The following KDM4C variants were observed in gnomAD, a reference collection of about 807,000 sequenced individuals.
The protein encoded by KDM4C is lysine demethylase 4C, also known as lysine-specific demethylase 4C.
A neutral mutation model predicts 129.3 loss-of-function variants in KDM4C; 81 were observed. The observed-to-expected ratio is 0.63, with a 90% CI of 0.52 to 0.75. KDM4C has a LOEUF of 0.75. Among genes scored for constraint, KDM4C ranks in the 30% least tolerant of loss-of-function variants. The pLI is 0.00. For missense variants in KDM4C, 1,457 were observed against 1,304.0 expected, an observed-to-expected ratio of 1.12 and a Z score of -1.81; for synonymous variants, 573 against 456.1, an observed-to-expected ratio of 1.26 and a Z score of -3.26.
At chr9:7,021,404 C>T (rs932412380) in intron 15 of KDM4C, among the ~76,000 whole-genome samples, 1 of 152,224 alleles carries the variant, frequency 6.6e-6, no homozygotes, top group Non-Finnish European at 1.5e-5. Flanking sequence ...GTCGGCCTCC[C>T]AAAGTGCTGG....
At chr9:7,140,720 G>A (rs1419303361) in intron 19 of KDM4C, among the ~76,000 whole-genome samples, 1 of 152,188 alleles carries the variant, frequency 6.6e-6, no homozygotes, top group Non-Finnish European at 1.5e-5. Flanking sequence ...ATCATGCTGG[G>A]TTCTGGGAAA....
At chr9:7,041,867 G>A (rs1248233013) in intron 15 of KDM4C, among the ~76,000 whole-genome samples, 1 of 151,994 alleles carries the variant, frequency 6.6e-6, no homozygotes, top group African/African-American at 2.4e-5. Context: ...CAGCTTTTAA[G>A]AACTATGGAA....
chr9:7,097,482 A>G (rs979130372), intron 17 of KDM4C, among the ~76,000 whole-genome samples: 2 of 152,204 alleles, frequency 1.3e-5, no homozygotes, highest in Non-Finnish European at 2.9e-5. Flanking sequence ...CTCCTGCCAC[A>G]TCATGGGCTC....
chr9:7,006,535 G>T (rs1821704970), intron 12 of KDM4C, among the ~76,000 whole-genome samples: 2 of 152,070 alleles, frequency 1.3e-5, no homozygotes, highest in Admixed American at 6.6e-5. Context: ...CTTTGGAGAT[G>T]CATTTAAGAC....
intron 1 of KDM4C, among the ~76,000 whole-genome samples, chr9:6,747,441 C>T (rs899963662): frequency 3.5e-5 from 5 of 144,736 alleles, no homozygotes; most frequent in South Asian, 2.2e-4. Context: ...CCAACTACTC[C>T]GGAGGCTGAG....
At chr9:7,029,130 C>A (rs1390739826) in intron 15 of KDM4C, among the ~76,000 whole-genome samples, 2 of 152,148 alleles carry the variant, frequency 1.3e-5, no homozygotes, top group African/African-American at 4.8e-5. Flanking sequence ...TCTGCCCTGT[C>A]TCCAAAATCC....
intron 19 of KDM4C, among the ~76,000 whole-genome samples, chr9:7,148,865 T>C (rs1402081554): frequency 6.6e-6 from 1 of 152,150 alleles, no homozygotes; most frequent in Non-Finnish European, 1.5e-5. Flanking sequence ...GATTGGTCCA[T>C]GGATGGGCCT....
intron 5 of KDM4C, among the ~76,000 whole-genome samples, chr9:6,855,972 T>G (rs1029169879): frequency 2.0e-5 from 3 of 152,132 alleles, no homozygotes; most frequent in Non-Finnish European, 4.4e-5. Flanking sequence ...AACTCCTGGG[T>G]TCAAGTGGTC....
At chr9:6,928,064 C>T (rs4740862) in intron 8 of KDM4C, among the ~76,000 whole-genome samples, 135,560 of 152,200 alleles carry the variant, frequency 0.89, 60,691 homozygotes, top group Middle Eastern at 0.96. Flanking sequence ...CCACTTATTC[C>T]TTTTTTAGCC....
intron 15 of KDM4C, among the ~76,000 whole-genome samples, chr9:7,022,762 C>G (rs182602670): frequency 1.3e-5 from 2 of 151,878 alleles, no homozygotes; most frequent in African/African-American, 4.8e-5. Flanking sequence ...TTTTTCACCA[C>G]TTAAAATAAT....
intron 2 of KDM4C, among the ~76,000 whole-genome samples, chr9:6,799,732 G>T (rs1199038081): frequency 6.7e-6 from 1 of 148,616 alleles, no homozygotes; most frequent in Non-Finnish European, 1.5e-5. Context: ...TGCTAATGAA[G>T]AGCCTGAATA....
chr9:6,892,531 T>C (rs1210349731), intron 7 of KDM4C, among the ~76,000 whole-genome samples: 4 of 152,180 alleles, frequency 2.6e-5, no homozygotes, highest in African/African-American at 9.7e-5. Context: ...AACATACATA[T>C]ATTTGAATAA....
At chr9:7,050,457 A>C in intron 17 of KDM4C, among the ~76,000 whole-genome samples, 1 of 147,664 alleles carries the variant, frequency 6.8e-6, no homozygotes, top group East Asian at 2.0e-4. Flanking sequence ...AAAAAAAAAG[A>C]CACCAAAAAA....
At chr9:7,034,922 A>T (rs550029098) in intron 15 of KDM4C, among the ~76,000 whole-genome samples, 1 of 152,234 alleles carries the variant, frequency 6.6e-6, no homozygotes, top group East Asian at 1.9e-4. Context: ...TTCCCTGGTG[A>T]TGTTTACCCT....
intron 18 of KDM4C, among the ~76,000 whole-genome samples, chr9:7,110,425 A>G (rs980813085): frequency 6.6e-6 from 1 of 152,084 alleles, no homozygotes; most frequent in African/African-American, 2.4e-5. Context: ...ATTTATTTTT[A>G]TATTGTTCTA....
At chr9:6,887,901 C>G (rs1845534586) in intron 6 of KDM4C, 59 bp from the exon 7 acceptor site, 1 of 1,006,540 alleles carries the variant, frequency 9.9e-7, no homozygotes, top group Non-Finnish European at 1.6e-6. Flanking sequence ...ATTAAAAAAC[C>G]TATTTGATAT....
chr9:6,811,715 T>A (rs1051698725), intron 3 of KDM4C, among the ~76,000 whole-genome samples: 1 of 152,208 alleles, frequency 6.6e-6, no homozygotes, highest in Non-Finnish European at 1.5e-5. Context: ...CCCTATTTTT[T>A]AGAAGAATAA....
intron 17 of KDM4C, among the ~76,000 whole-genome samples, chr9:7,097,390 G>A (rs371147179): frequency 9.8e-5 from 15 of 152,304 alleles, no homozygotes; most frequent in African/African-American, 3.6e-4. Flanking sequence ...GAGCCATCAG[G>A]TTGGAACTCA....
chr9:6,855,506 C>T lies in KDM4C; in HGVS notation c.629+5806C>T, dbSNP rs969900044. Among the ~76,000 whole-genome samples, 8 of 138,800 alleles carry T rather than the reference C, an allele frequency of 5.8e-5. No homozygotes were observed. The East Asian group carries it at 1.4e-3, about 25-fold the overall frequency. The allele number at this position is 138,800 out of a possible 152,430, so 91.1% of individuals were successfully genotyped here. A position where few individuals can be genotyped will look rare whatever the true frequency, so the allele number is the denominator to read the frequency against. On this transcript the variant is annotated intron_variant, in intron 5 of 21. Coordinates refer to ENST00000381309, the MANE Select transcript of KDM4C (RefSeq NM_015061.6). ...AAAAAGGAACCCAATTTAAGTATAACGGATTTTTCCCAGTGTTTGTAGTTG... is the reference window on the plus strand; with the variant it reads ...AAAAAGGAACCCAATTTAAGTATAATGGATTTTTCCCAGTGTTTGTAGTTG...
Sources: gnomAD v4.1 joint callset for allele counts (sites outside exome capture counted in the v4.1 genomes callset) on GRCh38, gnomAD v4.1.1 for gene constraint, MANE v1.5 for transcripts, NCBI Gene and HGNC (gene_info 2026-07-23, HGNC 2026-07-21) for gene names.